OR51B5: variants seen among roughly 807,000 people sequenced by gnomAD.
OR51B5 encodes olfactory receptor family 51 subfamily B member 5, also known as olfactory receptor 51B5.
For missense variants in OR51B5, 456 were observed against 374.6 expected, an observed-to-expected ratio of 1.22 and a Z score of -1.79; for synonymous variants, 186 against 144.8, an observed-to-expected ratio of 1.28 and a Z score of -2.04.
chr11:5,347,684 CAGAGATCTTG>C (rs1174860402), upstream of OR51B5, among the ~76,000 whole-genome samples: 1 of 152,022 alleles, frequency 6.6e-6, no homozygotes, highest in East Asian at 1.9e-4. Context: ...AGGACAGAGA[CAGAGATCTTG>C]AGTTGTGCTG....
At chr11:5,486,207 A>C (rs1419569507) in intron 1 of OR51B5, among the ~76,000 whole-genome samples, 1 of 152,070 alleles carries the variant, frequency 6.6e-6, no homozygotes, top group Non-Finnish European at 1.5e-5. Context: ...CAATGCCCTA[A>C]TTAGAATTTA....
At chr11:5,450,120 G>T (rs1850821334) in intron 1 of OR51B5, among the ~76,000 whole-genome samples, 1 of 152,194 alleles carries the variant, frequency 6.6e-6, no homozygotes, top group African/African-American at 2.4e-5. Context: ...CAGGCGTGGT[G>T]GCTCATACCT....
intron 1 of OR51B5, among the ~76,000 whole-genome samples, chr11:5,475,675 T>A (rs1851294725): frequency 6.6e-6 from 1 of 152,342 alleles, no homozygotes; most frequent in Admixed American, 6.5e-5. Context: ...GCCTTTCTTC[T>A]ATGTTATTAT....
intron 1 of OR51B5, among the ~76,000 whole-genome samples, chr11:5,451,311 T>TCA (rs1850843621): frequency 1.3e-5 from 2 of 152,378 alleles, no homozygotes; most frequent in South Asian, 4.1e-4. Flanking sequence ...AATCCTGCTT[T>TCA]CAGCCTGTTT....
chr11:5,361,144 AAAAG>A (rs145449813), intron 1 of OR51B5, among the ~76,000 whole-genome samples: 56,816 of 151,672 alleles, frequency 0.37, 10,852 homozygotes, highest in Non-Finnish European at 0.4. Flanking sequence ...GTATAATAAT[AAAAG>A]AAAGAAAGAA....
At chr11:5,407,470 T>C (rs771017641) in intron 1 of OR51B5, among the ~76,000 whole-genome samples, 1 of 152,146 alleles carries the variant, frequency 6.6e-6, no homozygotes. Flanking sequence ...TATATCTCTT[T>C]GCTCTGCAAA....
chr11:5,387,768 G>A (rs1020006476), intron 1 of OR51B5, among the ~76,000 whole-genome samples: 1 of 151,984 alleles, frequency 6.6e-6, no homozygotes, highest in African/African-American at 2.4e-5. Context: ...CTTGCCCTCT[G>A]ATTTTGATTT....
chr11:5,355,737 A>G (rs1400037123), intron 1 of OR51B5, among the ~76,000 whole-genome samples: 1 of 144,654 alleles, frequency 6.9e-6, no homozygotes, highest in Non-Finnish European at 1.5e-5. Flanking sequence ...ACCTTGGGAA[A>G]TTTCTAACAA....
rs74494283 is a variant in OR51B5, at chr11:5,380,539, T to C, written n.85-33629A>G. ...GAGTCTGTTGTGAGTCTGGAGACAT[T>C]GAGAACCCTGTGAGTAAGGATTTTA... On this transcript the variant is annotated intron_variant and non_coding_transcript_variant, in intron 1 of 4. Transcript: ENST00000415970. 3.4e-4 allele frequency among the ~76,000 whole-genome samples: 51 copies of C among 152,202 alleles called. No homozygotes were observed. In the East Asian group the frequency reaches 7.3e-3, roughly 22 times the overall value.
chr11:5,368,175 T>C (rs1043273128), intron 1 of OR51B5, among the ~76,000 whole-genome samples: 36 of 152,244 alleles, frequency 2.4e-4, no homozygotes, highest in African/African-American at 8.0e-4. Context: ...TGAAAAATCC[T>C]GTTAAGTGTT....
chr11:5,505,581 C>T (rs576624709), exon 1 of OR51B5: 248 of 860,576 alleles, frequency 2.9e-4, no homozygotes, highest in Non-Finnish European at 3.0e-4. Context: ...TTCCACATAG[C>T]TGGGGAGGCC....
chr11:5,386,355 G>T (rs1849695054), intron 1 of OR51B5, among the ~76,000 whole-genome samples: 1 of 152,040 alleles, frequency 6.6e-6, no homozygotes, highest in South Asian at 2.1e-4. Flanking sequence ...GAGAGACAAA[G>T]GTTCATATCT....
chr11:5,491,590 C>T (rs1851581437), intron 1 of OR51B5, among the ~76,000 whole-genome samples: 1 of 152,156 alleles, frequency 6.6e-6, no homozygotes, highest in African/African-American at 2.4e-5. Flanking sequence ...TCGAGGGGGC[C>T]TCAAAAGCCA....
chr11:5,376,756 C>G (rs1233365673), intron 1 of OR51B5, among the ~76,000 whole-genome samples: 3 of 151,700 alleles, frequency 2.0e-5, no homozygotes, highest in African/African-American at 7.3e-5. Context: ...CAAGACTAAA[C>G]CAGGAAGAAG....
chr11:5,449,067 G>T (rs950587502), intron 1 of OR51B5, among the ~76,000 whole-genome samples: 1 of 152,204 alleles, frequency 6.6e-6, no homozygotes, highest in African/African-American at 2.4e-5. Flanking sequence ...GAGGTAATGA[G>T]CTCCTCTCTT....
In OR51B5 at chr11:5,440,994, T is replaced by C. The variant is rs773108370; in HGVS notation, n.84+64575A>G. 3.7e-6 allele frequency: 6 copies of C among 1,613,806 alleles called. No homozygotes were observed. The African/African-American group carries it at 8.0e-5, about 22-fold the overall frequency. ...GAGACAGTAGGAGTGATGCAAAACATTGCCTTTGCAGAAGGGCAGTCGTTT... is the reference window on the plus strand; with the variant it reads ...GAGACAGTAGGAGTGATGCAAAACACTGCCTTTGCAGAAGGGCAGTCGTTT... On this transcript the variant is annotated intron_variant and non_coding_transcript_variant, in intron 1 of 4. Transcript: ENST00000415970.
chr11:5,397,028 C>T (rs1460641298), intron 1 of OR51B5, among the ~76,000 whole-genome samples: 1 of 152,180 alleles, frequency 6.6e-6, no homozygotes, highest in Non-Finnish European at 1.5e-5. Flanking sequence ...TGGATCCCTT[C>T]CTTACACCTT....
chr11:5,473,866 T>TGA (rs1309771035), intron 1 of OR51B5, among the ~76,000 whole-genome samples: 1 of 151,858 alleles, frequency 6.6e-6, no homozygotes, highest in Non-Finnish European at 1.5e-5. Flanking sequence ...TGTGTGTGTG[T>TGA]GTGTGTGTGT....
At chr11:5,399,781 C>T (rs1305715503) in intron 1 of OR51B5, among the ~76,000 whole-genome samples, 2 of 147,956 alleles carry the variant, frequency 1.4e-5, no homozygotes, top group Non-Finnish European at 1.5e-5. Context: ...AAAAAAAATG[C>T]AAGAAAGAAA....
Sources: allele counts gnomAD v4.1 joint callset (sites outside exome capture counted in the v4.1 genomes callset), GRCh38; gene constraint gnomAD v4.1.1; transcripts MANE v1.5; gene names NCBI Gene and HGNC (gene_info 2026-07-23, HGNC 2026-07-21).